TNRC6B: variants seen among roughly 807,000 people sequenced by gnomAD.
The protein encoded by TNRC6B is trinucleotide repeat-containing gene 6B protein.
TNRC6B carries 52 observed loss-of-function variants against 203.6 expected under a neutral mutation model. The ratio of observed to expected loss-of-function variants is 0.26; its 90% CI spans 0.20 to 0.32. The LOEUF (loss-of-function observed/expected upper bound fraction) is 0.32. Among genes scored for constraint, TNRC6B ranks in the 10% least tolerant of loss-of-function variants. The probability of loss-of-function intolerance (pLI) is 1.00; values close to 1 mark genes in which losing one functional copy is unlikely to be tolerated. For missense variants in TNRC6B, 1,923 were observed against 2,286.2 expected (o/e 0.84, Z 3.24); for synonymous variants, 838 against 845.7 (o/e 0.99, Z 0.16).
At chr22:40,262,223 A>G (rs1227721027) in intron 4 of TNRC6B, 50 bp downstream of exon 4, 4 of 1,326,254 alleles carry the variant, frequency 3.0e-6, no homozygotes, top group Non-Finnish European at 3.9e-6. Context: ...GAGAGAGAGC[A>G]CTTTGTTTGC....
intron 18 of TNRC6B, 116 bp downstream of exon 18, chr22:40,312,767 A>T: frequency 6.8e-7 from 1 of 1,480,510 alleles, no homozygotes; most frequent in Non-Finnish European, 9.2e-7. Context: ...ATGTAAAAAG[A>T]TTGCTTTTCA....
chr22:40,157,640 C>A (rs909707374), intron 4 of TNRC6B, among the ~76,000 whole-genome samples: 2 of 152,192 alleles, frequency 1.3e-5, no homozygotes, highest in African/African-American at 4.8e-5. Flanking sequence ...ATCAATTCAT[C>A]TTTAGCAAAT....
intron 12 of TNRC6B, among the ~76,000 whole-genome samples, chr22:40,290,804 C>T (rs747317249): frequency 1.6e-4 from 24 of 152,002 alleles, no homozygotes; most frequent in South Asian, 4.1e-4. Context: ...ATTTTGAGCT[C>T]GGTGACTATA....
chr22:40,089,553 T>G (rs2068132818), intron 1 of TNRC6B, among the ~76,000 whole-genome samples: 1 of 152,138 alleles, frequency 6.6e-6, no homozygotes, highest in African/African-American at 2.4e-5. Flanking sequence ...TTTTTTTAAT[T>G]GGCAGTTTTA....
intron 1 of TNRC6B, among the ~76,000 whole-genome samples, chr22:40,204,423 T>C (rs2069452656): frequency 6.6e-6 from 1 of 152,224 alleles, no homozygotes; most frequent in South Asian, 2.1e-4. Context: ...ATTCATCCCC[T>C]GCCACTCTAG....
In TNRC6B at chr22:40,211,516, G is replaced by A. The variant is rs535923584; in HGVS notation, c.5+33376G>A. Among the ~76,000 whole-genome samples the A allele has an allele frequency of 1.2e-4, 19 of 152,126 alleles. No individual in the cohort carries two copies. In the South Asian group the frequency reaches 2.5e-3, roughly 20 times the overall value. ...TGGTGCTTTACGTATATCATTTGTC[G>A]TCCTTGCCACAAACTTACTGTGGCT... On this transcript the variant is annotated intron_variant, in intron 1 of 22. Transcript: ENST00000454349.
At chr22:40,164,496 C>T (rs1455684613) in intron 4 of TNRC6B, among the ~76,000 whole-genome samples, 22 of 149,000 alleles carry the variant, frequency 1.5e-4, no homozygotes. Flanking sequence ...GGCACAGTGG[C>T]TCAATGCCTA....
chr22:40,275,157 G>A (rs538827474), intron 7 of TNRC6B, among the ~76,000 whole-genome samples: 1 of 152,246 alleles, frequency 6.6e-6, no homozygotes, highest in Non-Finnish European at 1.5e-5. Context: ...GAGATGTTTT[G>A]CTTAAGCAGT....
rs1166468730 is a variant in TNRC6B, at chr22:40,132,969, AAT to A, written c.45+7128_45+7129del. Among the ~76,000 whole-genome samples, 299 of 78,182 alleles carry A rather than the reference AAT, an allele frequency of 3.8e-3. 12 individuals are homozygous for A. The highest frequency in any genetic ancestry group is 6.0e-3 in the East Asian group (15 of 2,510). 51.3% of individuals were successfully genotyped at this position (78,182 alleles called of 152,430 possible). A position where few individuals can be genotyped will look rare whatever the true frequency, so the allele number is the denominator to read the frequency against. On this transcript the variant is annotated intron_variant, in intron 3 of 23. Transcript: ENST00000301923. ...AAAAAAAAAAAAAAAAAAAAAAAAA[AAT>A]ATATATATATATATATATATTCTGT... is the stretch of plus-strand genomic sequence containing the variant.
At chr22:40,196,840 G>A (rs1464850915) in intron 1 of TNRC6B, among the ~76,000 whole-genome samples, 4 of 152,012 alleles carry the variant, frequency 2.6e-5, no homozygotes, top group African/African-American at 4.8e-5. Flanking sequence ...TGGTCGGGGG[G>A]AAGGGACATG....
chr22:40,270,880 A>G (rs1050494675), intron 6 of TNRC6B, among the ~76,000 whole-genome samples: 1 of 152,336 alleles, frequency 6.6e-6, no homozygotes, highest in South Asian at 2.1e-4. Context: ...CCCAGTGACT[A>G]TGTGCTCACC....
chr22:40,259,041 C>T (rs1172882393), intron 3 of TNRC6B, among the ~76,000 whole-genome samples: 1 of 152,174 alleles, frequency 6.6e-6, no homozygotes, highest in Admixed American at 6.5e-5. Context: ...GGATGAATTT[C>T]TCCAGTCTCT....
At chr22:40,250,374 T>C (rs1411475260) in intron 2 of TNRC6B, among the ~76,000 whole-genome samples, 3 of 152,196 alleles carry the variant, frequency 2.0e-5, no homozygotes, top group Non-Finnish European at 4.4e-5. Context: ...TTCCAAACTC[T>C]CTGAAGTCCA....
chr22:40,285,614 A>G (rs1229199610), intron 11 of TNRC6B, 31 bp from the exon 12 acceptor site: 2 of 1,597,106 alleles, frequency 1.3e-6, no homozygotes, highest in Non-Finnish European at 1.7e-6. Flanking sequence ...TATGTTAACA[A>G]AAAGCCTTAC....
chr22:40,331,888 A>G lies in TNRC6B; in HGVS notation c.*8647A>G, dbSNP rs146368679. 9.9e-5 allele frequency: 33 copies of G among 332,880 alleles called. No homozygotes were observed. The highest frequency in any genetic ancestry group is 1.7e-4 in the Non-Finnish European group (31 of 182,850). The allele number at this position is 332,880 out of a possible 1,614,324, so 20.6% of individuals were successfully genotyped here. A position where few individuals can be genotyped will look rare whatever the true frequency, so the allele number is the denominator to read the frequency against. Reference sequence around the variant, plus strand: ...TGTGGTAAGGTCAGCACAGTGAGATAGAGACCTCTGAGTCCTCTTGCCACT... The same window carrying G: ...TGTGGTAAGGTCAGCACAGTGAGATGGAGACCTCTGAGTCCTCTTGCCACT... On this transcript the variant is annotated 3_prime_UTR_variant, in exon 23 of 23. Transcript: ENST00000454349.
chr22:40,188,544 A>G (rs1034989669), intron 1 of TNRC6B, among the ~76,000 whole-genome samples: 1 of 152,228 alleles, frequency 6.6e-6, no homozygotes, highest in African/African-American at 2.4e-5. Context: ...TCAGAGACCT[A>G]GCAGGTGATC....
At chr22:40,132,969 A>AAAATATATATATATAT (rs1282694632) in intron 3 of TNRC6B, among the ~76,000 whole-genome samples, 2 of 78,172 alleles carry the variant, frequency 2.6e-5, no homozygotes. Flanking sequence ...AAAAAAAAAA[A>AAAATATATATATATAT]ATATATATAT....
At chr22:40,140,174 T>C (rs1425637127) in intron 3 of TNRC6B, among the ~76,000 whole-genome samples, 2 of 152,166 alleles carry the variant, frequency 1.3e-5, no homozygotes, top group Non-Finnish European at 2.9e-5. Context: ...AACTATAGGA[T>C]GGGCAAAACC....
intron 1 of TNRC6B, among the ~76,000 whole-genome samples, chr22:40,073,686 G>C (rs1202653299): frequency 6.6e-6 from 1 of 152,050 alleles, no homozygotes; most frequent in Non-Finnish European, 1.5e-5. Context: ...GGCTGAGGCA[G>C]GTGGATCTCT....
Sources: gnomAD v4.1 joint callset for allele counts (sites outside exome capture counted in the v4.1 genomes callset) on GRCh38, gnomAD v4.1.1 for gene constraint, MANE v1.5 for transcripts, NCBI Gene and HGNC (gene_info 2026-07-23, HGNC 2026-07-21) for gene names.